The following TASP1 variants were observed in gnomAD, a reference collection of about 807,000 sequenced individuals.
The protein encoded by TASP1 is taspase 1.
In TASP1, 16 loss-of-function variants were observed where a neutral mutation model predicts 56.6. The ratio of observed to expected loss-of-function variants is 0.28; its 90% CI spans 0.19 to 0.43. The LOEUF is 0.43. Among genes scored for constraint, TASP1 ranks in the 20% least tolerant of loss-of-function variants. TASP1 has a pLI of 1.00. For missense variants in TASP1, 393 were observed against 511.6 expected, an observed-to-expected ratio of 0.77 and a Z score of 2.24; for synonymous variants, 179 against 184.2, an observed-to-expected ratio of 0.97 and a Z score of 0.23.
intron 10 of TASP1, among the ~76,000 whole-genome samples, chr20:13,519,413 C>T (rs1852884485): frequency 6.6e-6 from 1 of 152,156 alleles, no homozygotes; most frequent in Non-Finnish European, 1.5e-5. Flanking sequence ...CATCAAAAAG[C>T]TTATCCACCA....
At chr20:13,427,830 T>C (rs2042670277) in intron 12 of TASP1, among the ~76,000 whole-genome samples, 1 of 152,204 alleles carries the variant, frequency 6.6e-6, no homozygotes, top group Non-Finnish European at 1.5e-5. Flanking sequence ...AAAGGGTAGC[T>C]GGACAAATGG....
the TASP1 span, among the ~76,000 whole-genome samples, chr20:13,357,209 C>T: frequency 2.7e-5 from 4 of 146,954 alleles, no homozygotes; most frequent in African/African-American, 1.1e-4. Flanking sequence ...TTACAAAGAT[C>T]TGCAAAGGAT....
chr20:13,570,679 C>T (rs928970269), intron 6 of TASP1, among the ~76,000 whole-genome samples: 4 of 151,956 alleles, frequency 2.6e-5, no homozygotes, highest in Admixed American at 2.0e-4. Context: ...GAATAAACAA[C>T]TTTACCTCTT....
intron 13 of TASP1, chr20:13,393,081 C>G: frequency 1.6e-6 from 1 of 613,302 alleles, no homozygotes; most frequent in Non-Finnish European, 3.0e-6. Flanking sequence ...AGGCATGAAC[C>G]ATGAGAAGTA....
the TASP1 span, among the ~76,000 whole-genome samples, chr20:13,177,236 G>A: frequency 6.6e-6 from 1 of 151,240 alleles, no homozygotes; most frequent in Non-Finnish European, 1.5e-5. Context: ...GTGAGACTCT[G>A]TCTCAAAAAG....
chr20:13,489,411 C>T (rs1196562980), intron 10 of TASP1, among the ~76,000 whole-genome samples: 2 of 152,058 alleles, frequency 1.3e-5, no homozygotes, highest in Non-Finnish European at 2.9e-5. Flanking sequence ...TGACTAAATC[C>T]AACTTTCCAT....
the TASP1 span, chr20:13,110,155 T>C: frequency 1.3e-4 from 214 of 1,613,752 alleles, no homozygotes; most frequent in East Asian, 4.7e-3. Flanking sequence ...CTGTCATCTA[T>C]GGCCAGCCTC....
At chr20:13,203,521 C>A in the TASP1 span, among the ~76,000 whole-genome samples, 1 of 152,082 alleles carries the variant, frequency 6.6e-6, no homozygotes, top group Non-Finnish European at 1.5e-5. Context: ...TCACAGTGCA[C>A]TTGAAATTAT....
chr20:13,364,844 G>A, the TASP1 span, among the ~76,000 whole-genome samples: 1 of 152,188 alleles, frequency 6.6e-6, no homozygotes, highest in African/African-American at 2.4e-5. Flanking sequence ...CCCCACAGCA[G>A]GTTTCTGTGC....
At chr20:13,279,527 G>A in the TASP1 span, 17 of 1,101,400 alleles carry the variant, frequency 1.5e-5, no homozygotes, top group East Asian at 5.2e-5. Flanking sequence ...CCTTCACAAC[G>A]GATGCATCCA....
intron 12 of TASP1, among the ~76,000 whole-genome samples, chr20:13,434,144 A>G (rs894863098): frequency 6.7e-6 from 1 of 149,316 alleles, no homozygotes; most frequent in African/African-American, 2.5e-5. Context: ...GCAAAGTTCT[A>G]TTTTTTTTTT....
the TASP1 span, chr20:13,299,569 G>A: frequency 4.1e-6 from 4 of 987,042 alleles, no homozygotes; most frequent in Middle Eastern, 2.7e-4. This position sits in a 1 kb window ranked among gnomAD's most constrained non-coding sequence, Gnocchi z 5.8. Context: ...GTGTATATTT[G>A]TATATACCAC....
At chr20:13,550,867 C>A (rs2045961446) in intron 8 of TASP1, among the ~76,000 whole-genome samples, 1 of 152,064 alleles carries the variant, frequency 6.6e-6, no homozygotes, top group Non-Finnish European at 1.5e-5. Context: ...ATGGAACAAT[C>A]TGAGGAAAAC....
chr20:13,565,507 C>G lies in TASP1; in HGVS notation c.568+4000G>C, dbSNP rs140007754. Among the ~76,000 whole-genome samples the G allele has an allele frequency of 4.7e-3, 709 of 152,038 alleles. 4 individuals are homozygous for G. The highest frequency in any genetic ancestry group is 0.015 in the African/African-American group (634 of 41,492). ...AATTCCTATATCTCAACAAGAAAAA[C>G]CCTGATTGAAAAATAGGCAAAGGAC... On this transcript the variant is annotated intron_variant, in intron 7 of 13. Coordinates refer to ENST00000337743, the MANE Select transcript of TASP1 (RefSeq NM_017714.3).
At chr20:13,486,713 T>C (rs568328761) in intron 10 of TASP1, among the ~76,000 whole-genome samples, 20 of 152,300 alleles carry the variant, frequency 1.3e-4, no homozygotes, top group Non-Finnish European at 2.2e-4. Flanking sequence ...TGGCTGCTAA[T>C]ACCACAGAAA....
chr20:13,436,741 C>T (rs540191263), intron 11 of TASP1, among the ~76,000 whole-genome samples: 5 of 152,036 alleles, frequency 3.3e-5, no homozygotes, highest in Non-Finnish European at 5.9e-5. Flanking sequence ...CTGGATAATC[C>T]CTTTCCAGCA....
At chr20:13,608,664 T>C (rs955729545) in intron 4 of TASP1, among the ~76,000 whole-genome samples, 9 of 152,264 alleles carry the variant, frequency 5.9e-5, no homozygotes, top group Non-Finnish European at 1.0e-4. Flanking sequence ...CTTCTTTTGA[T>C]TTTGTTTCAA....
chr20:13,154,037 A>G, the TASP1 span: 1 of 1,614,150 alleles, frequency 6.2e-7, no homozygotes, highest in East Asian at 2.2e-5. Flanking sequence ...CGAAAAACAC[A>G]AGATACTTCA....
At chr20:13,262,577 A>G in the TASP1 span, among the ~76,000 whole-genome samples, 8 of 152,080 alleles carry the variant, frequency 5.3e-5, no homozygotes. Context: ...TTAGCCTAAC[A>G]GGACATAAAA....
Sources: allele counts gnomAD v4.1 joint callset (sites outside exome capture counted in the v4.1 genomes callset), GRCh38; gene constraint gnomAD v4.1.1; non-coding constraint Gnocchi (gnomAD v3.1); transcripts MANE v1.5; gene names NCBI Gene and HGNC (gene_info 2026-07-23, HGNC 2026-07-21).